The following PAQR5 variants were observed in gnomAD, a reference collection of about 807,000 sequenced individuals.
PAQR5 encodes membrane progestin receptor gamma.
PAQR5 carries 20 observed loss-of-function variants against 34.5 expected under a neutral mutation model. That is an observed-to-expected ratio of 0.58 (90% confidence interval 0.41 to 0.84). PAQR5 has a LOEUF of 0.84. PAQR5 is among the 40% of genes least tolerant of loss of function. The probability of loss-of-function intolerance (pLI) is 0.00; values close to 1 mark genes in which losing one functional copy is unlikely to be tolerated. For missense variants in PAQR5, 378 were observed against 412.7 expected, an observed-to-expected ratio of 0.92 and a Z score of 0.73; for synonymous variants, 131 against 155.6, an observed-to-expected ratio of 0.84 and a Z score of 1.18.
chr15:69,301,056 T>G (rs1480211770), intron 1 of PAQR5, among the ~76,000 whole-genome samples: 1 of 148,242 alleles, frequency 6.7e-6, no homozygotes, highest in Admixed American at 6.9e-5. Flanking sequence ...CAGGCTAGAG[T>G]GCAAGGGCGA....
rs186538260 is a variant in PAQR5, at chr15:69,335,876, C to T, written c.-276-1465C>T. Among the ~76,000 whole-genome samples the T allele has an allele frequency of 3.4e-3, 521 of 152,086 alleles. 4 individuals carry two copies. Among genetic ancestry groups the T allele is most frequent in the African/African-American group, 0.012 (497 of 41,466 alleles). On this transcript the variant is annotated intron_variant, in intron 1 of 8. Coordinates refer to ENST00000395407, the MANE Select transcript of PAQR5 (RefSeq NM_017705.4). The stretch of plus-strand genomic sequence containing the variant: ...ATGGTCAGACTAATTACAACTGGAT[C>T]GAGATATAAAATTTTATTTAAAAAA...
intron 3 of PAQR5, among the ~76,000 whole-genome samples, chr15:69,370,899 G>A (rs1449494875): frequency 6.6e-6 from 1 of 152,156 alleles, no homozygotes; most frequent in African/African-American, 2.4e-5. Flanking sequence ...ATATGAAAAA[G>A]AACTGAGTTT....
chr15:69,337,820 A>G (rs1278490795), intron 2 of PAQR5, among the ~76,000 whole-genome samples: 2 of 152,200 alleles, frequency 1.3e-5, no homozygotes, highest in African/African-American at 4.8e-5. Flanking sequence ...GGGGACTGAA[A>G]TCCCAGCACT....
intron 2 of PAQR5, among the ~76,000 whole-genome samples, chr15:69,345,800 A>G (rs1567011512): frequency 6.6e-6 from 1 of 152,152 alleles, no homozygotes; most frequent in Non-Finnish European, 1.5e-5. Flanking sequence ...TTGCATAGTC[A>G]GGGGTGCCTG....
intron 3 of PAQR5, among the ~76,000 whole-genome samples, chr15:69,360,701 G>C (rs537243943): frequency 6.6e-6 from 1 of 152,334 alleles, no homozygotes; most frequent in Admixed American, 6.5e-5. Flanking sequence ...GCCTGGTTGT[G>C]TGCTACAGAG....
chr15:69,389,727 G>A lies in PAQR5; in HGVS notation c.459G>A (p.Val153=), dbSNP rs756582310. ...LMCTTFHDYY[V]ALAVLNTILS... ...GCACCACTTTCCATGACTACTACGT[G>A]GCCCTGGCTGTACTGAACACCATCC... Residue 153 remains valine (V), a synonymous_variant, in exon 6 of 9, where the codon GTG becomes GTA. Coordinates refer to ENST00000395407, the MANE Select transcript of PAQR5 (RefSeq NM_017705.4). 3 of 1,614,126 alleles carry A rather than the reference G, an allele frequency of 1.9e-6. No homozygotes were observed. Among genetic ancestry groups the A allele is most frequent in the Non-Finnish European group, 2.5e-6 (3 of 1,180,004 alleles).
intron 3 of PAQR5, among the ~76,000 whole-genome samples, chr15:69,378,596 C>T (rs973984507): frequency 6.6e-6 from 1 of 151,992 alleles, no homozygotes; most frequent in African/African-American, 2.4e-5. Context: ...CCCCTCACAG[C>T]CCTAGAAATT....
Position 69,336,746 on chromosome 15 carries a change from G to A in PAQR5, c.-276-595G>A, listed in dbSNP as rs2054523077. ...AAAACTTTCAAAAGAAAGAGAGAAT[G>A]GTGTTTGGTTTTCTTTGGACTGTAT... is the stretch of plus-strand genomic sequence containing the variant. On this transcript the variant is annotated intron_variant, in intron 1 of 8. Coordinates refer to ENST00000395407, the MANE Select transcript of PAQR5 (RefSeq NM_017705.4). 2.6e-5 allele frequency among the ~76,000 whole-genome samples: 4 copies of A among 152,136 alleles called. No individual in the cohort carries two copies. In the South Asian group the frequency reaches 8.3e-4, roughly 32 times the overall value.
In PAQR5 at chr15:69,403,992, A is replaced by C; in HGVS notation, c.*170A>C. 1.5e-6 allele frequency: 1 copy of C among 665,152 alleles called. No homozygotes were observed. Among genetic ancestry groups the C allele is most frequent in the South Asian group, 2.0e-5 (1 of 50,062 alleles). The allele number at this position is 665,152 out of a possible 1,614,324, so 41.2% of individuals were successfully genotyped here. A position where few individuals can be genotyped will look rare whatever the true frequency, so the allele number is the denominator to read the frequency against. On this transcript the variant is annotated 3_prime_UTR_variant, in exon 9 of 9. Coordinates refer to ENST00000395407, the MANE Select transcript of PAQR5 (RefSeq NM_017705.4). ...TATTCAGCTGGGGAAATTTCTCTAAATGTACACTGATTCTGTGTGTGTGAT... is the reference window on the plus strand; with the variant it reads ...TATTCAGCTGGGGAAATTTCTCTAACTGTACACTGATTCTGTGTGTGTGAT...
Position 69,360,079 on chromosome 15 carries a change from A to G in PAQR5, c.-2A>G, listed in dbSNP as rs78804299. On this transcript the variant is annotated 5_prime_UTR_variant, in exon 3 of 9. Coordinates refer to ENST00000395407, the MANE Select transcript of PAQR5 (RefSeq NM_017705.4). ...TACTGGCCTTGCCAATCCAGCTCCA[A>G]GATGCTGAGCCTGAAGCTCCCCAGG... The G allele has an allele frequency of 1.4e-3, 2,325 of 1,613,540 alleles. 20 individuals are homozygous for G. In the African/African-American group the frequency reaches 0.027, roughly 19 times the overall value.
At chr15:69,306,631 T>G (rs1414764814) in intron 1 of PAQR5, among the ~76,000 whole-genome samples, 1 of 151,954 alleles carries the variant, frequency 6.6e-6, no homozygotes, top group East Asian at 1.9e-4. Flanking sequence ...TCTCAATCTC[T>G]TGACCTCGTG....
chr15:69,308,637 T>C (rs918395148), intron 1 of PAQR5, among the ~76,000 whole-genome samples: 2 of 152,032 alleles, frequency 1.3e-5, no homozygotes, highest in Admixed American at 6.6e-5. Context: ...ATGAGATCCA[T>C]TGGTCTAAGG....
At chr15:69,400,556 G>A (rs2056594567) in intron 8 of PAQR5, among the ~76,000 whole-genome samples, 1 of 152,168 alleles carries the variant, frequency 6.6e-6, no homozygotes, top group South Asian at 2.1e-4. Flanking sequence ...GCTGGGCATG[G>A]TGGCGTGCAC....
At chr15:69,316,270 G>T (rs144223895) in intron 1 of PAQR5, among the ~76,000 whole-genome samples, 1 of 152,196 alleles carries the variant, frequency 6.6e-6, no homozygotes, top group Non-Finnish European at 1.5e-5. Context: ...CAGTAGAGCC[G>T]GGGTTTTGCC....
chr15:69,388,855 A>G (rs1203539762), intron 5 of PAQR5, among the ~76,000 whole-genome samples: 3 of 152,230 alleles, frequency 2.0e-5, no homozygotes, highest in Non-Finnish European at 4.4e-5. Flanking sequence ...CATGGCCATC[A>G]GGCCTTGGGC....
At chr15:69,310,136 TTAAC>T (rs1210794753) in intron 1 of PAQR5, among the ~76,000 whole-genome samples, 1 of 152,208 alleles carries the variant, frequency 6.6e-6, no homozygotes, top group Non-Finnish European at 1.5e-5. Context: ...CATAACTTAT[TTAAC>T]TAATCTGTTT....
chr15:69,385,000 GC>G, intron 5 of PAQR5, 118 bp downstream of exon 5: 1 of 712,122 alleles, frequency 1.4e-6, no homozygotes, highest in Non-Finnish European at 2.4e-6. Flanking sequence ...CAGGGATTAT[GC>G]CAGTGCCCCT....
In PAQR5 at chr15:69,404,033, T is replaced by C; in HGVS notation, c.*211T>C. 3.7e-6 allele frequency: 2 copies of C among 547,536 alleles called. No individual in the cohort carries two copies. 33.9% of individuals were successfully genotyped at this position (547,536 alleles called of 1,614,324 possible). On this transcript the variant is annotated 3_prime_UTR_variant, in exon 9 of 9. Transcript: ENST00000395407. ...TGTGTGTGATTTTAAAAGGAGAATA[T>C]GGTTCAAGCAAGTCCTTGTTAAGGC... is the stretch of plus-strand genomic sequence containing the variant.
chr15:69,325,048 G>A (rs918640733), intron 1 of PAQR5, among the ~76,000 whole-genome samples: 2 of 151,970 alleles, frequency 1.3e-5, no homozygotes, highest in Non-Finnish European at 2.9e-5. Context: ...GCAGGTGCCC[G>A]CCACCATGCC....
Sources: allele counts gnomAD v4.1 joint callset (sites outside exome capture counted in the v4.1 genomes callset), GRCh38; gene constraint gnomAD v4.1.1; transcripts MANE v1.5; gene names NCBI Gene and HGNC (gene_info 2026-07-23, HGNC 2026-07-21).